The following PPM1H variants were observed in gnomAD, a reference collection of about 807,000 sequenced individuals.
The protein encoded by PPM1H is protein phosphatase 1H.
A neutral mutation model predicts 54.9 loss-of-function variants in PPM1H; 27 were observed. The ratio of observed to expected loss-of-function variants is 0.49; its 90% CI spans 0.36 to 0.68. PPM1H has a LOEUF of 0.68. Among genes scored for constraint, PPM1H ranks in the 30% least tolerant of loss-of-function variants. The probability of loss-of-function intolerance (pLI) is 0.00; values close to 1 mark genes in which losing one functional copy is unlikely to be tolerated. For missense variants in PPM1H, 596 were observed against 667.8 expected (o/e 0.89, Z 1.19); for synonymous variants, 305 against 270.8 (o/e 1.13, Z -1.24).
chr12:62,864,082 C>A (rs1217798638), intron 1 of PPM1H, among the ~76,000 whole-genome samples: 1 of 152,224 alleles, frequency 6.6e-6, no homozygotes, highest in Non-Finnish European at 1.5e-5. Context: ...AGTTTGGTTG[C>A]AGCAGCCAGG....
chr12:62,877,798 T>A (rs978384260), intron 1 of PPM1H, among the ~76,000 whole-genome samples: 2 of 152,202 alleles, frequency 1.3e-5, no homozygotes, highest in African/African-American at 4.8e-5. Flanking sequence ...GTTTGCACTA[T>A]TAGACATTCA....
intron 9 of PPM1H, chr12:62,658,743 G>A: frequency 2.7e-6 from 1 of 373,414 alleles, no homozygotes; most frequent in Non-Finnish European, 5.1e-6. Flanking sequence ...TAAAAGAACT[G>A]CCAGCTTCCC....
At chr12:62,800,255 C>T (rs780705242) in intron 3 of PPM1H, among the ~76,000 whole-genome samples, 18 of 152,246 alleles carry the variant, frequency 1.2e-4, no homozygotes, top group Non-Finnish European at 2.6e-4. Context: ...TGTGCCTATC[C>T]GGTTCTGGCA....
At chr12:62,922,790 T>A (rs955292994) in intron 1 of PPM1H, among the ~76,000 whole-genome samples, 2 of 152,202 alleles carry the variant, frequency 1.3e-5, no homozygotes, top group African/African-American at 4.8e-5. Context: ...TTCAGAAGTA[T>A]GGAAAACACA....
In PPM1H at chr12:62,709,326, G is replaced by T. The variant is rs184123203; in HGVS notation, c.1073+10845C>A. Among the ~76,000 whole-genome samples the T allele has an allele frequency of 3.9e-5, 6 of 152,244 alleles. No homozygotes were observed. In the South Asian group the frequency reaches 1.0e-3, roughly 26 times the overall value. On this transcript the variant is annotated intron_variant, in intron 6 of 9. Coordinates refer to ENST00000228705, the MANE Select transcript of PPM1H (RefSeq NM_020700.2). ...CCCCAAGAGGTAACAGTAAATAAAG[G>T]GTTAATGCCTGGCACAGCAGGGAGG...
At chr12:62,709,488 A>C (rs990623668) in intron 6 of PPM1H, among the ~76,000 whole-genome samples, 1 of 152,146 alleles carries the variant, frequency 6.6e-6, no homozygotes, top group Non-Finnish European at 1.5e-5. Flanking sequence ...CTGCTGGCAC[A>C]GTGCCCTTTG....
chr12:62,833,620 C>G (rs867606997), intron 1 of PPM1H, among the ~76,000 whole-genome samples: 1 of 152,098 alleles, frequency 6.6e-6, no homozygotes, highest in Non-Finnish European at 1.5e-5. Flanking sequence ...CATGCCACAA[C>G]CAAATAGGAA....
chr12:62,653,678 GT>G (rs1031401713), intron 9 of PPM1H, among the ~76,000 whole-genome samples: 1 of 152,186 alleles, frequency 6.6e-6, no homozygotes, highest in Non-Finnish European at 1.5e-5. Context: ...TGTGCCCTGG[GT>G]TATCCAAAGA....
chr12:62,897,407 T>C (rs1430835161), intron 1 of PPM1H, among the ~76,000 whole-genome samples: 1 of 152,170 alleles, frequency 6.6e-6, no homozygotes, highest in Non-Finnish European at 1.5e-5. Context: ...AATTTTATTT[T>C]CGTGGAAGAA....
At chr12:62,887,386 G>A (rs1870629016) in intron 1 of PPM1H, among the ~76,000 whole-genome samples, 1 of 152,200 alleles carries the variant, frequency 6.6e-6, no homozygotes, top group African/African-American at 2.4e-5. Flanking sequence ...TGCTCCTTAG[G>A]AATCTAGCCA....
In PPM1H at chr12:62,667,165, G is replaced by A; in HGVS notation, c.1397+13C>T. ...CTTGAGGAACAACCCTACAATTGTAGAAATGCACAAACCTGTGAGGATCAT... is the reference window on the plus strand; with the variant it reads ...CTTGAGGAACAACCCTACAATTGTAAAAATGCACAAACCTGTGAGGATCAT... On this transcript the variant is annotated intron_variant, in intron 9 of 9. Coordinates refer to ENST00000228705, the MANE Select transcript of PPM1H (RefSeq NM_020700.2). 1 of 1,559,042 alleles carries A rather than the reference G, an allele frequency of 6.4e-7. No individual in the cohort carries two copies. The highest frequency in any genetic ancestry group is 8.8e-7 in the Non-Finnish European group (1 of 1,138,122).
At chr12:62,887,268 C>T (rs953440390) in intron 1 of PPM1H, among the ~76,000 whole-genome samples, 6 of 152,196 alleles carry the variant, frequency 3.9e-5, no homozygotes, top group Admixed American at 3.9e-4. Flanking sequence ...AACAAAAGTG[C>T]AGCTTCCAAA....
chr12:62,869,321 T>G (rs970267940), intron 1 of PPM1H, among the ~76,000 whole-genome samples: 1 of 152,238 alleles, frequency 6.6e-6, no homozygotes, highest in Non-Finnish European at 1.5e-5. Flanking sequence ...TATTTGACAC[T>G]TCATTCATTT....
chr12:62,772,075 T>C (rs1388930960), intron 4 of PPM1H, among the ~76,000 whole-genome samples: 3 of 152,216 alleles, frequency 2.0e-5, no homozygotes, highest in Admixed American at 1.3e-4. Flanking sequence ...TAGGATTCAA[T>C]CCTGGGCCAT....
intron 3 of PPM1H, among the ~76,000 whole-genome samples, chr12:62,793,144 T>C (rs1212221840): frequency 1.3e-5 from 2 of 152,160 alleles, no homozygotes; most frequent in African/African-American, 2.4e-5. Context: ...TAGAATAAAC[T>C]GATTAGCAAA....
At chr12:62,822,811 C>A (rs2076912429) in intron 2 of PPM1H, among the ~76,000 whole-genome samples, 1 of 152,000 alleles carries the variant, frequency 6.6e-6, no homozygotes, top group African/African-American at 2.4e-5. Flanking sequence ...AAAATTGACA[C>A]CCTAACATCA....
intron 1 of PPM1H, among the ~76,000 whole-genome samples, chr12:62,894,291 G>C (rs1332726772): frequency 6.6e-6 from 1 of 152,180 alleles, no homozygotes; most frequent in East Asian, 1.9e-4. Flanking sequence ...AAAGGGAGAA[G>C]GGCTTTTTAT....
chr12:62,725,506 T>C (rs951410655), intron 5 of PPM1H, among the ~76,000 whole-genome samples: 2 of 152,182 alleles, frequency 1.3e-5, no homozygotes, highest in African/African-American at 4.8e-5. Context: ...TCCCATTAGA[T>C]CACACCCACT....
At chr12:62,706,613 C>G (rs531475771) in intron 6 of PPM1H, among the ~76,000 whole-genome samples, 1 of 152,248 alleles carries the variant, frequency 6.6e-6, no homozygotes, top group South Asian at 2.1e-4. Flanking sequence ...AAACATTATC[C>G]TCATTACACA....
Sources: allele counts gnomAD v4.1 joint callset (sites outside exome capture counted in the v4.1 genomes callset), GRCh38; gene constraint gnomAD v4.1.1; transcripts MANE v1.5; gene names NCBI Gene and HGNC (gene_info 2026-07-23, HGNC 2026-07-21).